The following ERICH3 variants were observed in gnomAD, a reference collection of about 807,000 sequenced individuals.
ERICH3 encodes the protein glutamate-rich protein 3.
A neutral mutation model predicts 131.1 loss-of-function variants in ERICH3; 126 were observed. The ratio of observed to expected loss-of-function variants is 0.96; its 90% CI spans 0.83 to 1.11. ERICH3 has a LOEUF of 1.11. Ranked by LOEUF, ERICH3 falls within the 50% of genes most tolerant of loss-of-function variation. ERICH3 has a pLI of 0.00. For missense variants in ERICH3, 2,050 were observed against 1,810.7 expected, an observed-to-expected ratio of 1.13 and a Z score of -2.40; for synonymous variants, 695 against 644.6, an observed-to-expected ratio of 1.08 and a Z score of -1.18.
At position 74,573,194 on chromosome 1, in the gene ERICH3, GC is replaced by G; in HGVS notation, c.2515del (p.Ala839GlnfsTer21). The G allele has an allele frequency of 2.5e-6, 4 of 1,612,780 alleles. No homozygotes were observed. The South Asian group carries it at 3.3e-5, about 13-fold the overall frequency. On this transcript the variant is annotated frameshift_variant, in exon 14 of 15. Transcript: ENST00000326665. LOFTEE classifies it high-confidence loss of function. ...CCCTTCTGCTTCTGCTGCTCCCTCT[GC>G]CCCCCTTTCTATGCCTGGAGGGATC... Reference protein sequence around the residue: ...REIPPGIERGAEGAAEAEGVR... With the variant: ...REIPPGIERGXEGAAEAEGVR...
intron 9 of ERICH3, 102 bp from the exon 10 acceptor site, chr1:74,607,004 G>A (rs541518326): frequency 4.5e-6 from 5 of 1,119,012 alleles, no homozygotes; most frequent in Middle Eastern, 4.2e-4. Flanking sequence ...AGTAAAAAAA[G>A]ACACAAAAAT....
chr1:74,645,659 T>G (rs1179389611), intron 3 of ERICH3, among the ~76,000 whole-genome samples: 1 of 152,078 alleles, frequency 6.6e-6, no homozygotes, highest in Non-Finnish European at 1.5e-5. Flanking sequence ...ATTTTATTTA[T>G]TTTTTCACAG....
intron 13 of ERICH3, among the ~76,000 whole-genome samples, chr1:74,574,953 A>C (rs569449996): frequency 6.6e-6 from 1 of 152,130 alleles, no homozygotes; most frequent in East Asian, 1.9e-4. Flanking sequence ...AGATTTTATA[A>C]AATAAGTTAT....
At chr1:74,647,700 C>T (rs2100640861) in intron 2 of ERICH3, among the ~76,000 whole-genome samples, 2 of 152,170 alleles carry the variant, frequency 1.3e-5, no homozygotes, top group East Asian at 3.9e-4. Flanking sequence ...AGCTTTGCTC[C>T]CCTCTTTCAT....
chr1:74,590,128 T>A, intron 11 of ERICH3, 48 bp from the exon 12 acceptor site: 1 of 1,417,046 alleles, frequency 7.1e-7, no homozygotes, highest in Non-Finnish European at 9.4e-7. Flanking sequence ...GTAAAGCAAT[T>A]GGTTTAATTG....
At chr1:74,662,090 T>C (rs1001329845) in intron 1 of ERICH3, among the ~76,000 whole-genome samples, 1 of 152,190 alleles carries the variant, frequency 6.6e-6, no homozygotes, top group Non-Finnish European at 1.5e-5. Context: ...TTAATCACCC[T>C]GCCTGAGTTC....
intron 11 of ERICH3, among the ~76,000 whole-genome samples, chr1:74,591,373 G>A (rs145051467): frequency 1.3e-5 from 2 of 152,300 alleles, no homozygotes; most frequent in African/African-American, 4.8e-5. Context: ...ATATTAGGAT[G>A]TAATTTATAT....
chr1:74,653,207 A>G (rs1018950782), intron 1 of ERICH3, among the ~76,000 whole-genome samples: 12 of 152,170 alleles, frequency 7.9e-5, no homozygotes, highest in African/African-American at 2.9e-4. Flanking sequence ...GCTAAAAGGA[A>G]AGGCACTATA....
chr1:74,632,796 G>A (rs867613124), intron 6 of ERICH3, among the ~76,000 whole-genome samples: 8 of 151,888 alleles, frequency 5.3e-5, no homozygotes, highest in African/African-American at 1.9e-4. Context: ...AAATAAGAAT[G>A]ACTGAAAAAA....
chr1:74,672,010 A>G (rs892471832), intron 1 of ERICH3, among the ~76,000 whole-genome samples: 2 of 152,200 alleles, frequency 1.3e-5, no homozygotes, highest in African/African-American at 4.8e-5. Context: ...CCTTTTCCCC[A>G]TAGGCTTGGA....
At chr1:74,600,102 G>A (rs933381618) in intron 10 of ERICH3, among the ~76,000 whole-genome samples, 171 bp from the exon 11 acceptor site, 2 of 151,814 alleles carry the variant, frequency 1.3e-5, no homozygotes, top group African/African-American at 4.8e-5. Flanking sequence ...AATGATCAAA[G>A]ATTCCAATCA....
upstream of ERICH3, among the ~76,000 whole-genome samples, chr1:74,673,913 A>G (rs973630609): frequency 6.6e-6 from 1 of 152,128 alleles, no homozygotes; most frequent in African/African-American, 2.4e-5. Context: ...TTCCCCAGGT[A>G]TCTGTAACAT....
At chr1:74,594,985 T>C (rs1647780184) in intron 11 of ERICH3, among the ~76,000 whole-genome samples, 1 of 152,138 alleles carries the variant, frequency 6.6e-6, no homozygotes, top group African/African-American at 2.4e-5. Context: ...CTCAGTGACA[T>C]AACCGTGGAT....
Position 74,572,722 on chromosome 1 carries a change from G to A in ERICH3, c.2988C>T (p.Pro996=). Residue 996 remains proline, a synonymous_variant, in exon 14 of 15, where the codon CCC becomes CCT. Coordinates refer to ENST00000326665, the MANE Select transcript of ERICH3 (RefSeq NM_001002912.5). The part of the protein sequence containing the change: ...EVMRTETRLS[P]FTGEAEASRM... ...GGCTTGCCTCTGCCTCTCCTGTGAA[G>A]GGGCTCAAGCGTGTTTCTGTTCTCA... 6.2e-7 allele frequency: 1 copy of A among 1,613,804 alleles called. No homozygotes were observed. Among genetic ancestry groups the A allele is most frequent in the Non-Finnish European group, 8.5e-7 (1 of 1,179,948 alleles).
chr1:74,603,789 T>A (rs1328191356), intron 10 of ERICH3, among the ~76,000 whole-genome samples: 1 of 151,934 alleles, frequency 6.6e-6, no homozygotes, highest in Non-Finnish European at 1.5e-5. Context: ...ACTTTATTGA[T>A]AAAAGATGCT....
At chr1:74,590,272 A>G (rs934093726) in intron 11 of ERICH3, among the ~76,000 whole-genome samples, 192 bp from the exon 12 acceptor site, 2 of 152,174 alleles carry the variant, frequency 1.3e-5, no homozygotes, top group Admixed American at 1.3e-4. Flanking sequence ...TTCATGGAAG[A>G]CAACTTTTCC....
chr1:74,641,966 G>A (rs1187283255), intron 4 of ERICH3, among the ~76,000 whole-genome samples: 1 of 152,048 alleles, frequency 6.6e-6, no homozygotes, highest in African/African-American at 2.4e-5. Context: ...TCCTTTAGTG[G>A]GTCTGGCTAC....
intron 7 of ERICH3, 88 bp from the exon 8 acceptor site, chr1:74,621,002 G>T: frequency 2.7e-6 from 3 of 1,130,484 alleles, no homozygotes; most frequent in Admixed American, 3.7e-5. Flanking sequence ...GAATAAAGAA[G>T]GTTATTTTTA....
At chr1:74,619,869 C>T (rs1649138218) in intron 8 of ERICH3, among the ~76,000 whole-genome samples, 1 of 152,008 alleles carries the variant, frequency 6.6e-6, no homozygotes, top group African/African-American at 2.4e-5. Context: ...TATGTAATTC[C>T]TCAATATGAA....
Sources: allele counts gnomAD v4.1 joint callset (sites outside exome capture counted in the v4.1 genomes callset), GRCh38; gene constraint gnomAD v4.1.1; transcripts MANE v1.5; gene names NCBI Gene and HGNC (gene_info 2026-07-23, HGNC 2026-07-21).